PACSIN1: variants seen among roughly 807,000 people sequenced by gnomAD.
The protein encoded by PACSIN1 is protein kinase C and casein kinase substrate in neurons 1.
A neutral mutation model predicts 59.5 loss-of-function variants in PACSIN1; 15 were observed. The ratio of observed to expected loss-of-function variants is 0.25; its 90% confidence interval spans 0.17 to 0.39. PACSIN1 has a LOEUF of 0.39. Ranked by LOEUF, PACSIN1 falls within the 10% of genes least tolerant of loss-of-function variation. The probability of loss-of-function intolerance (pLI) is 1.00; values close to 1 mark genes in which losing one functional copy is unlikely to be tolerated. For missense variants in PACSIN1, 420 were observed against 580.2 expected (o/e 0.72, Z 2.84); for synonymous variants, 210 against 220.6 (o/e 0.95, Z 0.42).
At chr6:34,479,801 G>GT (rs935360015) in intron 1 of PACSIN1, among the ~76,000 whole-genome samples, 1 of 151,300 alleles carries the variant, frequency 6.6e-6, no homozygotes, top group African/African-American at 2.4e-5. Context: ...AAAGTCTGTT[G>GT]TTTTTTATTT....
intron 1 of PACSIN1, among the ~76,000 whole-genome samples, chr6:34,478,593 G>A (rs956695797): frequency 2.0e-5 from 3 of 150,672 alleles, no homozygotes; most frequent in East Asian, 2.0e-4. Flanking sequence ...GGCTGGTCTC[G>A]AACTCCTGAC....
intron 1 of PACSIN1, among the ~76,000 whole-genome samples, chr6:34,501,900 C>T (rs900922442): frequency 7.2e-5 from 11 of 151,938 alleles, no homozygotes; most frequent in African/African-American, 1.4e-4. Flanking sequence ...GGTGTGGTGG[C>T]GCACAACTGT....
rs1485925386 is a variant in PACSIN1 at position 34,515,624 on chromosome 6, GC to G, written c.-63-10616del. Among the ~76,000 whole-genome samples, 1 of 152,094 alleles carries G rather than the reference GC, an allele frequency of 6.6e-6. No homozygotes were observed. Among genetic ancestry groups the G allele is most frequent in the African/African-American group, 2.4e-5 (1 of 41,416 alleles). On this transcript the variant is annotated intron_variant, in intron 1 of 9. Transcript: ENST00000244458. The surrounding 1 kb of genome is among the most constrained non-coding windows in gnomAD (Gnocchi z 4.4). ...CATCTACCTCCTGCCCCAACCTCAG[GC>G]CCTTCCCCTTCCTCGTTCTCCCTGG...
intron 1 of PACSIN1, among the ~76,000 whole-genome samples, chr6:34,499,382 C>G (rs1766992571): frequency 1.3e-5 from 2 of 151,130 alleles, no homozygotes; most frequent in Admixed American, 1.3e-4. Context: ...GGCCACAGAC[C>G]AGTAGCAATC....
intron 1 of PACSIN1, among the ~76,000 whole-genome samples, chr6:34,467,528 G>T (rs1236416327): frequency 6.6e-6 from 1 of 151,308 alleles, no homozygotes; most frequent in African/African-American, 2.4e-5. Context: ...ACTCAAACCA[G>T]GTGGTTCTCT....
rs568737204 is a variant in PACSIN1, at chr6:34,508,993, A to G, written c.-63-17250A>G. Among the ~76,000 whole-genome samples, 32 of 152,192 alleles carry G rather than the reference A, an allele frequency of 2.1e-4. No homozygotes were observed. The East Asian group carries it at 6.2e-3, about 29-fold the overall frequency. On this transcript the variant is annotated intron_variant, in intron 1 of 9. Transcript: ENST00000244458. ...GTTTTCACTCTGCTGTTTCCTTTGC[A>G]GTGCTTAGGCTTTTTAGTTTGATAT... is the stretch of plus-strand genomic sequence containing the variant.
chr6:34,524,202 T>C lies in PACSIN1; in HGVS notation c.-63-2041T>C, dbSNP rs536461500. ...ACGAGGTAGAGAGTGGTCTCAGCCA[T>C]TGGGTATTTTGGCCTGACATACCAG... is the stretch of plus-strand genomic sequence containing the variant. On this transcript the variant is annotated intron_variant, in intron 1 of 9. Coordinates refer to ENST00000244458, the MANE Select transcript of PACSIN1 (RefSeq NM_020804.5). 7.2e-5 allele frequency among the ~76,000 whole-genome samples: 11 copies of C among 152,130 alleles called. No homozygotes were observed. In the South Asian group the frequency reaches 2.1e-3, roughly 29 times the overall value.
At chr6:34,527,049 A>C (rs548286935) in intron 2 of PACSIN1, among the ~76,000 whole-genome samples, 32 of 152,334 alleles carry the variant, frequency 2.1e-4, no homozygotes, top group African/African-American at 7.7e-4. Flanking sequence ...AATTCTAAAA[A>C]TCCTTCTGCA....
intron 1 of PACSIN1, among the ~76,000 whole-genome samples, chr6:34,504,587 G>T (rs1404758854): frequency 6.6e-6 from 1 of 152,072 alleles, no homozygotes; most frequent in Non-Finnish European, 1.5e-5. Context: ...CACACAACAG[G>T]CCGTAATGTT....
intron 1 of PACSIN1, among the ~76,000 whole-genome samples, chr6:34,500,605 G>GC (rs1767009474): frequency 1.3e-5 from 2 of 152,034 alleles, no homozygotes; most frequent in African/African-American, 2.4e-5. Flanking sequence ...AGAATTTCAG[G>GC]AATGGTAAAT....
rs1390648096 is a variant in PACSIN1 at position 34,529,825 on chromosome 6, C to T, written c.772C>T (p.Leu258=). 1 of 1,613,640 alleles carries T rather than the reference C, an allele frequency of 6.2e-7. No individual in the cohort carries two copies. Among genetic ancestry groups the T allele is most frequent in the Non-Finnish European group, 8.5e-7 (1 of 1,179,834 alleles). Residue 258 remains leucine, a synonymous_variant, in exon 6 of 10, where the codon CTG becomes TTG. Coordinates refer to ENST00000244458, the MANE Select transcript of PACSIN1 (RefSeq NM_020804.5). This position sits in a 1 kb window ranked among gnomAD's most constrained non-coding sequence, Gnocchi z 6.3. The part of the protein sequence containing the change: ...VLLDIKRHLN[L]AENSSYIHVY... ...GCTGGACATCAAACGGCACCTCAAC[C>T]TGGCTGAGAACAGCAGGTACCTGGG...
intron 3 of PACSIN1, chr6:34,527,791 A>C (rs1767517453): frequency 8.4e-6 from 2 of 239,092 alleles, no homozygotes; most frequent in Non-Finnish European, 1.6e-5. Flanking sequence ...CACTGGCCCC[A>C]CGTTTTCTCA....
intron 1 of PACSIN1, among the ~76,000 whole-genome samples, chr6:34,522,949 A>C (rs182010536): frequency 1.1e-4 from 16 of 152,236 alleles, no homozygotes; most frequent in African/African-American, 3.9e-4. Flanking sequence ...CCCACATTGC[A>C]TGAGGGCAGA....
rs1766821606 is a variant in PACSIN1 at position 34,488,025 on chromosome 6, C to G, written c.-64+21755C>G. 6.6e-6 allele frequency among the ~76,000 whole-genome samples: 1 copy of G among 152,172 alleles called. No individual in the cohort carries two copies. Among genetic ancestry groups the G allele is most frequent in the Non-Finnish European group, 1.5e-5 (1 of 68,026 alleles). Reference sequence around the variant, plus strand: ...AGGGGAAGGTCAGTGAGATAAGCCACAGTCCCGCTGCTGCAGCAGGACTCT... The same window carrying G: ...AGGGGAAGGTCAGTGAGATAAGCCAGAGTCCCGCTGCTGCAGCAGGACTCT... On this transcript the variant is annotated intron_variant, in intron 1 of 9. Coordinates refer to ENST00000244458, the MANE Select transcript of PACSIN1 (RefSeq NM_020804.5). The surrounding 1 kb of genome is among the most constrained non-coding windows in gnomAD (Gnocchi z 4.7).
rs138911770 is a variant in PACSIN1, at chr6:34,532,428, A to G, written c.1233A>G (p.Glu411=). The change falls in exon 10 of 10, where the codon GAA becomes GAG. Residue 411 remains glutamate (E), a synonymous_variant. Transcript: ENST00000244458. The surrounding 1 kb of genome is among the most constrained non-coding windows in gnomAD (Gnocchi z 5.2). ...CTGTGTTCTCTTTCCCAGGAGACGA[A>G]CTCACCAAGCTGGGCGAGGAGGATG... ...QDELSFKAGD[E]LTKLGEEDEQ... is the part of the protein sequence containing the mutation. The G allele has an allele frequency of 7.5e-5, 118 of 1,568,062 alleles. No homozygotes were observed. In the African/African-American group the frequency reaches 1.5e-3, roughly 20 times the overall value.
At chr6:34,498,605 C>G (rs534251551) in intron 1 of PACSIN1, among the ~76,000 whole-genome samples, 1 of 151,826 alleles carries the variant, frequency 6.6e-6, no homozygotes, top group Non-Finnish European at 1.5e-5. Flanking sequence ...TAAGACCAGT[C>G]TGGGCAACAT....
Position 34,516,041 on chromosome 6 carries a change from T to C in PACSIN1, c.-63-10202T>C, listed in dbSNP as rs75461116. 0.037 allele frequency among the ~76,000 whole-genome samples: 5,602 copies of C among 152,076 alleles called. 173 individuals carry two copies. The highest frequency in any genetic ancestry group is 0.088 in the Middle Eastern group (26 of 294). The stretch of plus-strand genomic sequence containing the variant: ...TGGAGCTGAGCCACCTTGGGTGGCA[T>C]AGGGAGGAGATGCTAGCCTGCAAGG... On this transcript the variant is annotated intron_variant, in intron 1 of 9. Transcript: ENST00000244458. This position sits in a 1 kb window ranked among gnomAD's most constrained non-coding sequence, Gnocchi z 5.4.
At chr6:34,493,432 G>A (rs1349848645) in intron 1 of PACSIN1, among the ~76,000 whole-genome samples, 3 of 152,214 alleles carry the variant, frequency 2.0e-5, no homozygotes, top group Non-Finnish European at 4.4e-5. Flanking sequence ...AAACCCAACG[G>A]TGGAAGTGCT....
Position 34,500,957 on chromosome 6 carries a change from T to C in PACSIN1, c.-63-25286T>C, listed in dbSNP as rs576470456. Among the ~76,000 whole-genome samples the C allele has an allele frequency of 6.6e-5, 10 of 152,368 alleles. No individual in the cohort carries two copies. In the South Asian group the frequency reaches 2.1e-3, roughly 32 times the overall value. ...TTCAACCTTTTCTTCTGCAGCTTCT[T>C]CACCCCTCTCAGACTTCATAGAACT... is the stretch of plus-strand genomic sequence containing the variant. On this transcript the variant is annotated intron_variant, in intron 1 of 9. Transcript: ENST00000244458.
Sources: gnomAD v4.1 joint callset for allele counts (sites outside exome capture counted in the v4.1 genomes callset) on GRCh38, gnomAD v4.1.1 for gene constraint, Gnocchi (gnomAD v3.1) non-coding constraint, MANE v1.5 for transcripts, NCBI Gene and HGNC (gene_info 2026-07-23, HGNC 2026-07-21) for gene names.